KIAA0825: variants seen among roughly 807,000 people sequenced by gnomAD.
KIAA0825 encodes the protein KIAA0825, also known as uncharacterized protein KIAA0825.
Under a neutral mutation model 147.6 loss-of-function variants are expected in KIAA0825, and 119 were observed. The ratio of observed to expected loss-of-function variants is 0.81; its 90% confidence interval spans 0.69 to 0.94. The LOEUF (loss-of-function observed/expected upper bound fraction) is 0.94, where lower values mean the gene tolerates loss of function less well. KIAA0825 is among the 40% of genes least tolerant of loss of function. The pLI is 0.00. For synonymous variants in KIAA0825, 470 were observed against 518.1 expected (o/e 0.91, Z 1.26); for missense variants, 1,381 against 1,472.7 (o/e 0.94, Z 1.02).
intron 5 of KIAA0825, among the ~76,000 whole-genome samples, chr5:94,493,778 G>A (rs1268542276): frequency 2.0e-5 from 3 of 152,122 alleles, no homozygotes; most frequent in African/African-American, 2.4e-5. Context: ...GTGAGTCACC[G>A]CGCCTGGCCA....
chr5:94,156,109 A>T (rs1392246928), intron 20 of KIAA0825, among the ~76,000 whole-genome samples: 1 of 152,206 alleles, frequency 6.6e-6, no homozygotes, highest in Non-Finnish European at 1.5e-5. Context: ...TCACTCTTTA[A>T]ATTCTCAATT....
chr5:94,601,054 A>T (rs1447896034), intron 1 of KIAA0825, among the ~76,000 whole-genome samples: 1 of 152,212 alleles, frequency 6.6e-6, no homozygotes, highest in Admixed American at 6.5e-5. Flanking sequence ...GGGCAGAAAG[A>T]GTACCGCAGC....
intron 14 of KIAA0825, among the ~76,000 whole-genome samples, chr5:94,431,080 C>G (rs892561529): frequency 2.6e-5 from 4 of 152,064 alleles, no homozygotes; most frequent in African/African-American, 7.2e-5. Context: ...GAGACCATTG[C>G]ATAGAGAGCA....
chr5:94,474,301 T>G (rs540676302), intron 7 of KIAA0825, among the ~76,000 whole-genome samples: 1 of 152,180 alleles, frequency 6.6e-6, no homozygotes, highest in Non-Finnish European at 1.5e-5. Flanking sequence ...CCAGGTCTCC[T>G]AACATTCTCT....
intron 20 of KIAA0825, among the ~76,000 whole-genome samples, chr5:94,279,465 A>G (rs1777364090): frequency 6.6e-6 from 1 of 152,132 alleles, no homozygotes; most frequent in South Asian, 2.1e-4. Context: ...GGAATATTAT[A>G]ATGGTACAGA....
At chr5:94,423,181 G>C (rs1754420717) in intron 14 of KIAA0825, among the ~76,000 whole-genome samples, 1 of 152,140 alleles carries the variant, frequency 6.6e-6, no homozygotes, top group Admixed American at 6.5e-5. Flanking sequence ...TGGGGAGCTG[G>C]GGGGTTGGAG....
intron 3 of KIAA0825, among the ~76,000 whole-genome samples, chr5:94,527,149 C>T (rs1402402896): frequency 6.6e-6 from 1 of 152,006 alleles, no homozygotes; most frequent in Non-Finnish European, 1.5e-5. Context: ...CACTACTACA[C>T]TCATGCATGT....
chr5:94,469,882 G>T, intron 10 of KIAA0825, 79 bp downstream of exon 10: 1 of 1,181,374 alleles, frequency 8.5e-7, no homozygotes, highest in Non-Finnish European at 1.1e-6. Flanking sequence ...CCAAGCTCAT[G>T]TTTCTAATTA....
Position 94,520,263 on chromosome 5 carries a change from C to T in KIAA0825, c.955G>A (p.Ala319Thr). The T allele has an allele frequency of 6.2e-7, 1 of 1,608,402 alleles. No individual in the cohort carries two copies. The highest frequency in any genetic ancestry group is 8.5e-7 in the Non-Finnish European group (1 of 1,177,404). The change falls in exon 5 of 21, where the codon GCA (alanine) becomes ACA (threonine). Residue 319 changes from alanine to threonine, a missense_variant. Ala to Thr is a moderately conservative substitution (Grantham distance 58). Coordinates refer to ENST00000682413, the MANE Select transcript of KIAA0825 (RefSeq NM_001145678.3). ...TGTCACTAACCCAAAGCATGCACTG[C>T]TCCTCTATGCTTGCTGGAGCTCTTG... ...TSKSSSKHRGAVHALVTTECP... is the reference protein window; with the variant it reads ...TSKSSSKHRGTVHALVTTECP...
intron 2 of KIAA0825, chr5:94,569,763 A>C: frequency 4.0e-6 from 1 of 251,200 alleles, no homozygotes; most frequent in Non-Finnish European, 7.5e-6. Flanking sequence ...GACGTAAACC[A>C]TGGCTGAATC....
intron 20 of KIAA0825, among the ~76,000 whole-genome samples, chr5:94,362,463 T>A (rs539732207): frequency 6.6e-6 from 1 of 152,324 alleles, no homozygotes; most frequent in African/African-American, 2.4e-5. Context: ...CTTTATCTCA[T>A]GTGGTGTTAC....
At chr5:94,395,660 G>A (rs1750549786) in intron 17 of KIAA0825, among the ~76,000 whole-genome samples, 1 of 152,042 alleles carries the variant, frequency 6.6e-6, no homozygotes. Flanking sequence ...TGAAAAATGT[G>A]TACCTTTTTG....
At chr5:94,491,747 C>A (rs1430808338) in intron 5 of KIAA0825, among the ~76,000 whole-genome samples, 2 of 152,160 alleles carry the variant, frequency 1.3e-5, no homozygotes, top group Admixed American at 6.5e-5. Context: ...AATATTTACA[C>A]CTTAGTTTGC....
At chr5:94,467,639 C>G (rs527975206) in intron 10 of KIAA0825, among the ~76,000 whole-genome samples, 2 of 152,224 alleles carry the variant, frequency 1.3e-5, no homozygotes, top group Admixed American at 1.3e-4. Flanking sequence ...AATAATGTAT[C>G]TAGATCTCAC....
chr5:94,206,402 AT>A (rs1772203753), intron 20 of KIAA0825, among the ~76,000 whole-genome samples: 1 of 152,094 alleles, frequency 6.6e-6, no homozygotes, highest in Non-Finnish European at 1.5e-5. Context: ...CTCTTGTGCC[AT>A]TCCTCTTCAG....
At chr5:94,374,657 G>C (rs1459421117) in intron 20 of KIAA0825, among the ~76,000 whole-genome samples, 1 of 152,162 alleles carries the variant, frequency 6.6e-6, no homozygotes, top group Non-Finnish European at 1.5e-5. Context: ...GACTTTTCTA[G>C]TGGGTGACTT....
intron 10 of KIAA0825, among the ~76,000 whole-genome samples, chr5:94,469,307 A>G (rs2150982406): frequency 6.6e-6 from 1 of 152,072 alleles, no homozygotes; most frequent in East Asian, 1.9e-4. Context: ...AGTAGCTGTA[A>G]TTACAGGCAT....
At chr5:94,474,949 C>T (rs574425479) in intron 7 of KIAA0825, among the ~76,000 whole-genome samples, 13 of 152,116 alleles carry the variant, frequency 8.5e-5, no homozygotes, top group Middle Eastern at 3.4e-3. Context: ...ATTAGCCGGG[C>T]GTGGTGGCAC....
At chr5:94,496,042 G>T (rs546981150) in intron 5 of KIAA0825, among the ~76,000 whole-genome samples, 1 of 152,280 alleles carries the variant, frequency 6.6e-6, no homozygotes, top group African/African-American at 2.4e-5. Flanking sequence ...AAGAAGGGAA[G>T]ACAAGAGTAG....
Sources: gnomAD v4.1 joint callset for allele counts (sites outside exome capture counted in the v4.1 genomes callset) on GRCh38, gnomAD v4.1.1 for gene constraint, MANE v1.5 for transcripts, NCBI Gene and HGNC (gene_info 2026-07-23, HGNC 2026-07-21) for gene names.